CSMD1: variants seen among roughly 807,000 people sequenced by gnomAD.
The protein encoded by CSMD1 is CUB and sushi domain-containing protein 1.
CSMD1 carries 213 observed loss-of-function variants against 417.5 expected under a neutral mutation model. The ratio of observed to expected loss-of-function variants is 0.51; its 90% CI spans 0.46 to 0.57. The LOEUF (loss-of-function observed/expected upper bound fraction) is 0.57, where lower values mean the gene tolerates loss of function less well. Ranked by LOEUF, CSMD1 falls within the 20% of genes least tolerant of loss-of-function variation. CSMD1 has a pLI of 0.00. For missense variants in CSMD1, 6,923 were observed against 4,529.7 expected, an observed-to-expected ratio of 1.53 and a Z score of -15.17; for synonymous variants, 2,862 against 1,736.8, an observed-to-expected ratio of 1.65 and a Z score of -16.11.
chr8:4,732,970 C>A (rs1316284474), intron 1 of CSMD1, among the ~76,000 whole-genome samples: 2 of 151,990 alleles, frequency 1.3e-5, no homozygotes, highest in African/African-American at 4.8e-5. Flanking sequence ...TGCATTTGTA[C>A]CTCAGCACAA....
At chr8:4,644,540 G>A (rs1388488661) in intron 1 of CSMD1, among the ~76,000 whole-genome samples, 1 of 152,118 alleles carries the variant, frequency 6.6e-6, no homozygotes, top group Non-Finnish European at 1.5e-5. Flanking sequence ...CAGAGTAGCT[G>A]GGATTACAGG....
At chr8:2,957,350 A>C (rs912626395) in intron 63 of CSMD1, among the ~76,000 whole-genome samples, 2 of 152,206 alleles carry the variant, frequency 1.3e-5, no homozygotes, top group African/African-American at 4.8e-5. Flanking sequence ...GTTCAATATA[A>C]CATTATGCAC....
intron 3 of CSMD1, among the ~76,000 whole-genome samples, chr8:4,089,004 C>T (rs1033525209): frequency 6.6e-6 from 1 of 152,194 alleles, no homozygotes; most frequent in Admixed American, 6.5e-5. Context: ...TACAGATCCC[C>T]TTGCTGAGGG....
chr8:3,744,951 G>A (rs73187290), intron 6 of CSMD1, among the ~76,000 whole-genome samples: 6,392 of 152,282 alleles, frequency 0.042, 174 homozygotes, highest in African/African-American at 0.062. Flanking sequence ...GCTTTAATGA[G>A]GACAGGGCTG....
intron 3 of CSMD1, among the ~76,000 whole-genome samples, chr8:4,229,115 T>C (rs1801546493): frequency 6.6e-6 from 1 of 152,224 alleles, no homozygotes; most frequent in African/African-American, 2.4e-5. Context: ...TTCCACACAG[T>C]CTTCCCAGCT....
At chr8:3,667,452 C>G (rs1355930850) in intron 7 of CSMD1, among the ~76,000 whole-genome samples, 1 of 151,960 alleles carries the variant, frequency 6.6e-6, no homozygotes. Flanking sequence ...TTGGCAAGGC[C>G]TTGGGGCACT....
At chr8:4,619,593 G>C (rs1801656934) in intron 2 of CSMD1, among the ~76,000 whole-genome samples, 1 of 152,066 alleles carries the variant, frequency 6.6e-6, no homozygotes. Flanking sequence ...GATACATCCA[G>C]TTATATTTTC....
intron 35 of CSMD1, among the ~76,000 whole-genome samples, chr8:3,188,534 T>C (rs1315178845): frequency 6.6e-6 from 1 of 152,032 alleles, no homozygotes; most frequent in Non-Finnish European, 1.5e-5. Context: ...CTTGAACTCC[T>C]GACATCAAGT....
At chr8:3,776,415 C>T (rs1402633102) in intron 5 of CSMD1, among the ~76,000 whole-genome samples, 1 of 152,202 alleles carries the variant, frequency 6.6e-6, no homozygotes, top group Non-Finnish European at 1.5e-5. Context: ...CTGACACCTT[C>T]TCACTCCTGT....
At chr8:4,350,216 C>G (rs1563081855) in intron 3 of CSMD1, among the ~76,000 whole-genome samples, 1 of 152,120 alleles carries the variant, frequency 6.6e-6, no homozygotes. Context: ...CTCTGTCAAG[C>G]GTCCAGGCAC....
At chr8:4,088,624 C>G (rs1188535204) in intron 3 of CSMD1, among the ~76,000 whole-genome samples, 3 of 152,136 alleles carry the variant, frequency 2.0e-5, no homozygotes, top group Admixed American at 1.3e-4. Flanking sequence ...TCCCACCCAA[C>G]CAGGTTGAGA....
At chr8:3,560,647 G>C (rs577611732) in intron 10 of CSMD1, among the ~76,000 whole-genome samples, 1 of 152,120 alleles carries the variant, frequency 6.6e-6, no homozygotes, top group Admixed American at 6.5e-5. Context: ...TAAAAACCTA[G>C]ATATTTCTAT....
At chr8:4,321,232 G>A (rs1799256682) in intron 3 of CSMD1, among the ~76,000 whole-genome samples, 1 of 152,066 alleles carries the variant, frequency 6.6e-6, no homozygotes, top group African/African-American at 2.4e-5. Flanking sequence ...CATGAGGCGT[G>A]CCTACAGCTA....
intron 5 of CSMD1, among the ~76,000 whole-genome samples, chr8:3,774,582 T>A (rs1237249840): frequency 6.6e-6 from 1 of 152,192 alleles, no homozygotes; most frequent in Non-Finnish European, 1.5e-5. Flanking sequence ...TCTTCCTGCT[T>A]TTCTCTGTTA....
rs562253527 is a variant in CSMD1, at chr8:3,919,693, G to A, written c.818+78210C>T. On this transcript the variant is annotated intron_variant, in intron 5 of 69. Transcript: ENST00000635120. ...AAAATGCCATTGGAATTTTGATAGA[G>A]ATTGCTTTGAATCTGTAGATGACTT... Among the ~76,000 whole-genome samples the A allele has an allele frequency of 1.2e-3, 182 of 152,132 alleles. 2 individuals carry two copies. The highest frequency in any genetic ancestry group is 4.2e-3 in the African/African-American group (175 of 41,506).
intron 2 of CSMD1, among the ~76,000 whole-genome samples, chr8:4,628,366 G>C (rs923761281): frequency 4.7e-5 from 7 of 149,068 alleles, no homozygotes; most frequent in African/African-American, 1.5e-4. Flanking sequence ...CTATGTATGT[G>C]TGTGTGTATA....
chr8:3,291,972 A>G (rs922964409), intron 25 of CSMD1, among the ~76,000 whole-genome samples: 14 of 151,804 alleles, frequency 9.2e-5, no homozygotes, highest in African/African-American at 3.4e-4. Context: ...TTAGTGCTAT[A>G]AATTTTCCTC....
intron 1 of CSMD1, among the ~76,000 whole-genome samples, chr8:4,701,719 C>G (rs922420): frequency 0.67 from 101,596 of 151,878 alleles, 35,187 homozygotes; most frequent in African/African-American, 0.85. Flanking sequence ...CAAATCATAA[C>G]ATTCCTCTTT....
intron 3 of CSMD1, among the ~76,000 whole-genome samples, chr8:4,253,581 G>A (rs1403573714): frequency 6.6e-6 from 1 of 152,116 alleles, no homozygotes; most frequent in Admixed American, 6.6e-5. Context: ...ATACTTCAAA[G>A]CAGTAAAATG....
Sources: gnomAD v4.1 joint callset for allele counts (sites outside exome capture counted in the v4.1 genomes callset) on GRCh38, gnomAD v4.1.1 for gene constraint, MANE v1.5 for transcripts, NCBI Gene and HGNC (gene_info 2026-07-23, HGNC 2026-07-21) for gene names.